DLG2: variants seen among roughly 807,000 people sequenced by gnomAD.
DLG2 encodes the protein disks large homolog 2.
Under a neutral mutation model 132.5 loss-of-function variants are expected in DLG2, and 45 were observed. The observed-to-expected ratio is 0.34, with a 90% confidence interval of 0.27 to 0.44. The LOEUF (loss-of-function observed/expected upper bound fraction) is 0.44. DLG2 is among the 20% of genes least tolerant of loss of function. The pLI is 1.00. For missense variants in DLG2, 1,045 were observed against 1,196.9 expected (o/e 0.87, Z 1.87); for synonymous variants, 424 against 419.6 (o/e 1.01, Z -0.13).
intron 4 of DLG2, among the ~76,000 whole-genome samples, chr11:85,206,197 T>C (rs1009392925): frequency 6.6e-6 from 1 of 152,158 alleles, no homozygotes; most frequent in Non-Finnish European, 1.5e-5. Context: ...TCTGCCATGA[T>C]TGGAAGCTCC....
rs191898757 is a variant in DLG2 at position 83,664,801 on chromosome 11, T to A, written c.1826-31476A>T. Reference sequence around the variant, plus strand: ...TATGTGCTTCCTAAAGATTCCAAGTTTCTCATTCTGGAAAGGTCCTCTTCT... The same window carrying A: ...TATGTGCTTCCTAAAGATTCCAAGTATCTCATTCTGGAAAGGTCCTCTTCT... On this transcript the variant is annotated intron_variant, in intron 18 of 27. Transcript: ENST00000376104. 1.0e-3 allele frequency among the ~76,000 whole-genome samples: 153 copies of A among 152,340 alleles called. 1 individual carries two copies. The highest frequency in any genetic ancestry group is 8.7e-3 in the South Asian group (42 of 4,818).
At chr11:84,371,400 T>A (rs1186470268) in intron 7 of DLG2, among the ~76,000 whole-genome samples, 1 of 151,908 alleles carries the variant, frequency 6.6e-6, no homozygotes, top group African/African-American at 2.4e-5. Context: ...AAGTTACAGG[T>A]GTGCACCACC....
At position 85,612,433 on chromosome 11, in the gene DLG2, G is replaced by A. The variant is rs371040662; in HGVS notation, c.-92-13645C>T. On this transcript the variant is annotated intron_variant, in intron 2 of 27. Coordinates refer to ENST00000376104, the MANE Select transcript of DLG2 (RefSeq NM_001142699.3). ...GATATTCAGTGAGGAAACTCTTGTAGAAGCAGAGTTAGGAAAATTGCCTAA... is the reference window on the plus strand; with the variant it reads ...GATATTCAGTGAGGAAACTCTTGTAAAAGCAGAGTTAGGAAAATTGCCTAA... 8.9e-4 allele frequency among the ~76,000 whole-genome samples: 135 copies of A among 152,344 alleles called. 1 individual carries two copies. The highest frequency in any genetic ancestry group is 3.2e-3 in the African/African-American group (133 of 41,572).
At chr11:84,945,662 C>T (rs557293135) in intron 6 of DLG2, among the ~76,000 whole-genome samples, 30 of 152,192 alleles carry the variant, frequency 2.0e-4, no homozygotes, top group Non-Finnish European at 3.8e-4. Context: ...AAGCTTCCCC[C>T]AGCCTGCCAG....
In DLG2 at chr11:83,962,914, C is replaced by T. The variant is rs2089221112; in HGVS notation, c.1311G>A (p.Lys437=). ...TGTAGTCGTCGTCAACAAGCATGTG[C>T]TTTGGAATTGGTGAGTACCTTCCTG... The part of the protein sequence containing the change: ...ISPGRYSPIP[K]HMLVDDDYTR... Residue 437 remains lysine, a synonymous_variant, in exon 14 of 28, where the codon AAG becomes AAA. Transcript: ENST00000376104. 1.2e-6 allele frequency: 2 copies of T among 1,612,928 alleles called. No individual in the cohort carries two copies. Among genetic ancestry groups the T allele is most frequent in the Non-Finnish European group, 1.7e-6 (2 of 1,179,158 alleles).
chr11:85,419,854 G>T (rs1039225142), intron 3 of DLG2, among the ~76,000 whole-genome samples: 45 of 152,138 alleles, frequency 3.0e-4, no homozygotes, highest in Non-Finnish European at 4.4e-5. Context: ...AAAGTTCTTA[G>T]CTTCCTTGCA....
At chr11:84,894,028 T>C (rs1029522722) in intron 6 of DLG2, among the ~76,000 whole-genome samples, 2 of 152,144 alleles carry the variant, frequency 1.3e-5, no homozygotes, top group African/African-American at 2.4e-5. Context: ...GTAATGACTA[T>C]GGAAAACAGT....
intron 18 of DLG2, among the ~76,000 whole-genome samples, chr11:83,780,217 T>C (rs1479628153): frequency 6.6e-6 from 1 of 152,228 alleles, no homozygotes; most frequent in Non-Finnish European, 1.5e-5. Context: ...CTTTCATTTC[T>C]GAGAACCTTC....
intron 11 of DLG2, among the ~76,000 whole-genome samples, chr11:84,023,417 T>C (rs1347769370): frequency 6.6e-6 from 1 of 152,180 alleles, no homozygotes; most frequent in African/African-American, 2.4e-5. Flanking sequence ...CTCTATTTTA[T>C]AAAAGCTTGA....
At chr11:83,886,324 A>T (rs1296395787) in intron 15 of DLG2, among the ~76,000 whole-genome samples, 1 of 152,202 alleles carries the variant, frequency 6.6e-6, no homozygotes, top group Admixed American at 6.5e-5. Context: ...CAGACTTTAA[A>T]CCAACAAAGA....
At chr11:83,500,174 T>G (rs994503393) in intron 21 of DLG2, among the ~76,000 whole-genome samples, 2 of 151,976 alleles carry the variant, frequency 1.3e-5, no homozygotes, top group Non-Finnish European at 1.5e-5. Context: ...ATTGTGAGGT[T>G]CTTTAGTATT....
chr11:85,426,717 C>T (rs554477007), intron 3 of DLG2, among the ~76,000 whole-genome samples: 1 of 152,286 alleles, frequency 6.6e-6, no homozygotes, highest in South Asian at 2.1e-4. Flanking sequence ...AAAATCAGAG[C>T]ACCTCTCCTC....
At chr11:83,736,305 A>G (rs1183601746) in intron 18 of DLG2, among the ~76,000 whole-genome samples, 1 of 152,160 alleles carries the variant, frequency 6.6e-6, no homozygotes, top group African/African-American at 2.4e-5. Context: ...GTGTCCTCAT[A>G]GGGGAAAAGG....
chr11:85,312,332 T>C (rs1365096982), intron 3 of DLG2, among the ~76,000 whole-genome samples: 1 of 151,348 alleles, frequency 6.6e-6, no homozygotes, highest in Admixed American at 6.6e-5. Flanking sequence ...AAAAATGACA[T>C]CTCTCAGCTT....
At chr11:85,520,515 C>CCACACACACACACACA (rs3068471) in intron 3 of DLG2, among the ~76,000 whole-genome samples, 84 of 148,138 alleles carry the variant, frequency 5.7e-4, no homozygotes, top group Non-Finnish European at 7.7e-4. Context: ...GTATATGGAA[C>CCACACACACACACACA]CACACACACA....
chr11:85,031,579 T>C (rs574671), intron 6 of DLG2, among the ~76,000 whole-genome samples: 108,388 of 151,964 alleles, frequency 0.71, 39,643 homozygotes, highest in East Asian at 0.94. Flanking sequence ...ATATCTCAAT[T>C]AACTGTAGAC....
At chr11:83,595,282 A>T (rs1373826191) in intron 19 of DLG2, among the ~76,000 whole-genome samples, 1 of 152,214 alleles carries the variant, frequency 6.6e-6, no homozygotes, top group Non-Finnish European at 1.5e-5. Flanking sequence ...TATGCTAGAT[A>T]ATGTATTAAG....
chr11:84,729,007 G>A (rs909871434), intron 6 of DLG2, among the ~76,000 whole-genome samples: 1 of 151,578 alleles, frequency 6.6e-6, no homozygotes, highest in Non-Finnish European at 1.5e-5. Flanking sequence ...CTGGCTAGCA[G>A]TCTATTTTGT....
At chr11:84,685,775 G>C (rs904845254) in intron 6 of DLG2, among the ~76,000 whole-genome samples, 1 of 151,794 alleles carries the variant, frequency 6.6e-6, no homozygotes, top group African/African-American at 2.4e-5. Context: ...GCGCGATCTC[G>C]GCTCACTGCA....
Sources: gnomAD v4.1 joint callset for allele counts (sites outside exome capture counted in the v4.1 genomes callset) on GRCh38, gnomAD v4.1.1 for gene constraint, MANE v1.5 for transcripts, NCBI Gene and HGNC (gene_info 2026-07-23, HGNC 2026-07-21) for gene names.